DNAH12: variants seen among roughly 807,000 people sequenced by gnomAD.
DNAH12 encodes axonemal beta dynein heavy chain 12.
DNAH12 carries 285 observed loss-of-function variants against 371.5 expected under a neutral mutation model. The ratio of observed to expected loss-of-function variants is 0.77; its 90% CI spans 0.70 to 0.85. DNAH12 has a LOEUF of 0.85. Ranked by LOEUF, DNAH12 falls within the 40% of genes least tolerant of loss-of-function variation. The pLI, the probability that DNAH12 is intolerant of heterozygous loss-of-function variation, is 0.00. For synonymous variants in DNAH12, 1,200 were observed against 1,213.0 expected (o/e 0.99, Z 0.22); for missense variants, 3,611 against 3,689.4 (o/e 0.98, Z 0.55).
intron 43 of DNAH12, among the ~76,000 whole-genome samples, chr3:57,401,717 G>T (rs1388995205): frequency 2.0e-5 from 3 of 151,540 alleles, no homozygotes; most frequent in African/African-American, 7.3e-5. Flanking sequence ...GAGTGGAGAT[G>T]AATGAAATAG....
chr3:57,345,156 C>T (rs2153317405), intron 60 of DNAH12, among the ~76,000 whole-genome samples: 1 of 152,186 alleles, frequency 6.6e-6, no homozygotes, highest in Non-Finnish European at 1.5e-5. Flanking sequence ...TTTACCAATA[C>T]TGTAAATTTA....
Position 57,353,156 on chromosome 3 carries a change from G to T in DNAH12, c.9534-931C>A, listed in dbSNP as rs2062722191. On this transcript the variant is annotated intron_variant, in intron 59 of 73. Transcript: ENST00000495027. ...ATATAGTTACTGGGTGGAGTTGACT[G>T]ATACTCTTTATACTCTCATATTCCA... is the stretch of plus-strand genomic sequence containing the variant. 2.0e-5 allele frequency among the ~76,000 whole-genome samples: 3 copies of T among 151,294 alleles called. No individual in the cohort carries two copies. The South Asian group carries it at 6.3e-4, about 32-fold the overall frequency.
chr3:57,347,440 G>A (rs2062568052), intron 60 of DNAH12, among the ~76,000 whole-genome samples: 1 of 152,112 alleles, frequency 6.6e-6, no homozygotes, highest in African/African-American at 2.4e-5. Context: ...TGACAGCTGG[G>A]CACAGGAGCT....
intron 68 of DNAH12, 53 bp from the exon 69 acceptor site, chr3:57,309,307 C>T (rs2061538998): frequency 4.6e-5 from 63 of 1,356,426 alleles, no homozygotes; most frequent in Non-Finnish European, 6.2e-5. Context: ...GGATAATTAG[C>T]TTAATTCAGC....
intron 57 of DNAH12, 85 bp from the exon 58 acceptor site, chr3:57,363,871 C>T (rs1422669473): frequency 6.6e-6 from 1 of 152,076 alleles, no homozygotes; most frequent in East Asian, 1.9e-4. Flanking sequence ...AATTTGTAGA[C>T]ATCTAACACA....
At chr3:57,539,738 C>T (rs563367401) in intron 2 of DNAH12, among the ~76,000 whole-genome samples, 63 of 151,774 alleles carry the variant, frequency 4.2e-4, no homozygotes, top group African/African-American at 1.5e-3. Context: ...CTCAGCCTCC[C>T]GAGTAGCTGG....
intron 55 of DNAH12, among the ~76,000 whole-genome samples, chr3:57,374,856 G>C (rs1191245806): frequency 2.0e-5 from 3 of 151,972 alleles, no homozygotes; most frequent in Admixed American, 6.6e-5. Flanking sequence ...AAATAACCTA[G>C]GCAAAACTAA....
intron 62 of DNAH12, among the ~76,000 whole-genome samples, chr3:57,325,257 C>T (rs891985441): frequency 6.6e-6 from 1 of 152,232 alleles, no homozygotes; most frequent in Non-Finnish European, 1.5e-5. Flanking sequence ...TGAGAACGGG[C>T]AGACTGCCTC....
At chr3:57,448,755 T>C (rs2065633868) in intron 25 of DNAH12, among the ~76,000 whole-genome samples, 1 of 149,674 alleles carries the variant, frequency 6.7e-6, no homozygotes, top group Admixed American at 6.7e-5. Context: ...GATACAAAGC[T>C]CTCCACGTCC....
rs2062549028 is a variant in DNAH12, at chr3:57,346,631, A to G, written c.9674+5454T>C. On this transcript the variant is annotated intron_variant, in intron 60 of 73. Coordinates refer to ENST00000495027, the MANE Select transcript of DNAH12 (RefSeq NM_001366028.2). The stretch of plus-strand genomic sequence containing the variant: ...GTATCAGTAATCAGTTTAAATGTCA[A>G]TGGTCTAAATACATCAATTAAAAGA... Among the ~76,000 whole-genome samples, 3 of 152,186 alleles carry G rather than the reference A, an allele frequency of 2.0e-5. No homozygotes were observed. In the South Asian group the frequency reaches 6.2e-4, roughly 31 times the overall value.
In DNAH12 at chr3:57,446,105, T is replaced by C. The variant is rs2065486608; in HGVS notation, c.4105A>G (p.Asn1369Asp). ...FVFEGTELKL[N>D]PNCFVAITMN... ...GTAATAGCTACAAAACAATTCGGATTGAGCTTAAGTTCTGTCCCTTCAAAA... is the reference window on the plus strand; with the variant it reads ...GTAATAGCTACAAAACAATTCGGATCGAGCTTAAGTTCTGTCCCTTCAAAA... Residue 1369 changes from asparagine to aspartate, a missense_variant, in exon 27 of 74, where the codon AAT becomes GAT. By Grantham distance (23) the Asn-to-Asp change is conservative (BLOSUM62 1). Coordinates refer to ENST00000495027, the MANE Select transcript of DNAH12 (RefSeq NM_001366028.2). 1 of 1,551,662 alleles carries C rather than the reference T, an allele frequency of 6.4e-7. No homozygotes were observed. Among genetic ancestry groups the C allele is most frequent in the Non-Finnish European group, 8.7e-7 (1 of 1,146,960 alleles).
intron 12 of DNAH12, among the ~76,000 whole-genome samples, chr3:57,486,962 A>G (rs2066940289): frequency 6.6e-6 from 1 of 152,182 alleles, no homozygotes; most frequent in African/African-American, 2.4e-5. Flanking sequence ...GTGAGGGGAA[A>G]AAACAAATGA....
upstream of DNAH12, among the ~76,000 whole-genome samples, chr3:57,545,501 T>C (rs578237162): frequency 6.6e-6 from 1 of 151,934 alleles, no homozygotes; most frequent in South Asian, 2.1e-4. Flanking sequence ...GATTAGACAG[T>C]TTTTTTAATG....
chr3:57,414,003 AC>A, intron 38 of DNAH12, 91 bp from the exon 39 acceptor site: 2 of 1,318,662 alleles, frequency 1.5e-6, no homozygotes, highest in Non-Finnish European at 2.0e-6. Flanking sequence ...AAGTAAAACA[AC>A]CCATTTTGCC....
intron 2 of DNAH12, among the ~76,000 whole-genome samples, chr3:57,532,529 A>G (rs1474309363): frequency 1.3e-5 from 2 of 152,102 alleles, no homozygotes; most frequent in Non-Finnish European, 2.9e-5. Flanking sequence ...GATCTAAGCC[A>G]TATCTGCATT....
intron 23 of DNAH12, 48 bp from the exon 24 acceptor site, chr3:57,453,451 A>G (rs1160345272): frequency 2.1e-6 from 3 of 1,412,024 alleles, no homozygotes; most frequent in Non-Finnish European, 2.8e-6. Flanking sequence ...CATCATACTT[A>G]AAACATGTAT....
chr3:57,324,618 G>A (rs553361260), intron 62 of DNAH12, among the ~76,000 whole-genome samples: 8 of 152,252 alleles, frequency 5.3e-5, no homozygotes, highest in Non-Finnish European at 7.4e-5. Context: ...GAACAGCTCC[G>A]GTCTACAGCT....
chr3:57,437,829 T>C (rs1411770254), intron 29 of DNAH12, among the ~76,000 whole-genome samples: 1 of 152,152 alleles, frequency 6.6e-6, no homozygotes, highest in Non-Finnish European at 1.5e-5. Flanking sequence ...AAAATCCTAC[T>C]ACAGGGAAGG....
intron 58 of DNAH12, among the ~76,000 whole-genome samples, chr3:57,358,929 C>T (rs2062859022): frequency 1.3e-5 from 2 of 152,140 alleles, no homozygotes; most frequent in African/African-American, 2.4e-5. Flanking sequence ...AGATTACAGG[C>T]GTCCACCACC....
Sources: allele counts gnomAD v4.1 joint callset (sites outside exome capture counted in the v4.1 genomes callset), GRCh38; gene constraint gnomAD v4.1.1; transcripts MANE v1.5; gene names NCBI Gene and HGNC (gene_info 2026-07-23, HGNC 2026-07-21).